The following CYP7B1 variants were observed in gnomAD, a reference collection of about 807,000 sequenced individuals.
CYP7B1 encodes the protein cytochrome P450 7B1.
A neutral mutation model predicts 42.7 loss-of-function variants in CYP7B1; 29 were observed. That is an observed-to-expected ratio of 0.68 (90% CI 0.51 to 0.93). The LOEUF (loss-of-function observed/expected upper bound fraction) is 0.93, where lower values mean the gene tolerates loss of function less well. Ranked by LOEUF, CYP7B1 falls within the 40% of genes least tolerant of loss-of-function variation. The pLI is 0.00. For missense variants in CYP7B1, 655 were observed against 600.5 expected, an observed-to-expected ratio of 1.09 and a Z score of -0.95; for synonymous variants, 235 against 218.2, an observed-to-expected ratio of 1.08 and a Z score of -0.68.
In CYP7B1 at chr8:64,694,761, G is replaced by A. The variant is rs572077803; in HGVS notation, c.123-70222C>T. ...AATAAAGGAAGTGGTCTGTCTCTGC[G>A]TGTAGTTTGAGAAGCACTATGCTAG... On this transcript the variant is annotated intron_variant, in intron 1 of 5. Transcript: ENST00000310193. Among the ~76,000 whole-genome samples, 17 of 152,284 alleles carry A rather than the reference G, an allele frequency of 1.1e-4. No individual in the cohort carries two copies. The South Asian group carries it at 1.5e-3, about 13-fold the overall frequency.
rs561047438 is a variant in CYP7B1 at position 64,742,554 on chromosome 8, G to T, written c.122+55912C>A. On this transcript the variant is annotated intron_variant, in intron 1 of 5. Transcript: ENST00000310193. Reference sequence around the variant, plus strand: ...TGCCATAACAAAACACTACACTCTGGGTGGCTTAAACAAGAAAAATTTATT... The same window carrying T: ...TGCCATAACAAAACACTACACTCTGTGTGGCTTAAACAAGAAAAATTTATT... 5.3e-5 allele frequency among the ~76,000 whole-genome samples: 8 copies of T among 152,116 alleles called. No homozygotes were observed. In the East Asian group the frequency reaches 1.5e-3, roughly 29 times the overall value.
At chr8:64,778,174 A>AATATATATATATATATATATAT (rs60859854) in intron 1 of CYP7B1, among the ~76,000 whole-genome samples, 141 of 133,184 alleles carry the variant, frequency 1.1e-3, no homozygotes, top group African/African-American at 2.0e-3. Context: ...ACTAGTTTGA[A>AATATATATATATATATATATAT]ATATATATAT....
At position 64,670,592 on chromosome 8, in the gene CYP7B1, C is replaced by T. The variant is rs191046108; in HGVS notation, c.123-46053G>A. Among the ~76,000 whole-genome samples the T allele has an allele frequency of 2.6e-5, 4 of 152,226 alleles. No individual in the cohort carries two copies. In the East Asian group the frequency reaches 7.7e-4, roughly 29 times the overall value. On this transcript the variant is annotated intron_variant, in intron 1 of 5. Coordinates refer to ENST00000310193, the MANE Select transcript of CYP7B1 (RefSeq NM_004820.5). Reference sequence around the variant, plus strand: ...CAAGAGGACCATAACTCAAAGGAGGCAGGAGCGCCACTCATTCTGCAGGAA... The same window carrying T: ...CAAGAGGACCATAACTCAAAGGAGGTAGGAGCGCCACTCATTCTGCAGGAA...
At chr8:64,777,588 T>A (rs1373810687) in intron 1 of CYP7B1, among the ~76,000 whole-genome samples, 1 of 152,122 alleles carries the variant, frequency 6.6e-6, no homozygotes, top group African/African-American at 2.4e-5. Context: ...AATCACATTG[T>A]CATTACAACT....
chr8:64,603,714 T>C (rs565419054), intron 5 of CYP7B1, among the ~76,000 whole-genome samples: 1 of 152,320 alleles, frequency 6.6e-6, no homozygotes, highest in Non-Finnish European at 1.5e-5. Context: ...AAACTATATG[T>C]ACACTCCCCC....
intron 1 of CYP7B1, among the ~76,000 whole-genome samples, chr8:64,761,956 T>C (rs1330679994): frequency 6.6e-6 from 1 of 152,156 alleles, no homozygotes; most frequent in African/African-American, 2.4e-5. Context: ...TGAGTAGAAA[T>C]GCAAGGTTTA....
chr8:64,683,135 C>T (rs533140961), intron 1 of CYP7B1, among the ~76,000 whole-genome samples: 34 of 152,324 alleles, frequency 2.2e-4, no homozygotes, highest in African/African-American at 8.2e-4. Context: ...TCTGGTCTAA[C>T]GCTTCCCCCA....
chr8:64,712,461 A>G (rs1026830840), intron 1 of CYP7B1, among the ~76,000 whole-genome samples: 1 of 152,098 alleles, frequency 6.6e-6, no homozygotes, highest in Admixed American at 6.6e-5. Context: ...ATCATTTTAT[A>G]AGACATCATA....
intron 4 of CYP7B1, among the ~76,000 whole-genome samples, chr8:64,610,476 A>T (rs1805347855): frequency 6.6e-6 from 1 of 152,154 alleles, no homozygotes; most frequent in South Asian, 2.1e-4. Context: ...TTGAATACAC[A>T]ATTATTTTAT....
At chr8:64,670,552 C>T (rs1426783291) in intron 1 of CYP7B1, among the ~76,000 whole-genome samples, 1 of 152,116 alleles carries the variant, frequency 6.6e-6, no homozygotes, top group Non-Finnish European at 1.5e-5. Context: ...CAATTAAGAG[C>T]TGACCCACAA....
At chr8:64,785,882 C>G (rs997454500) in intron 1 of CYP7B1, among the ~76,000 whole-genome samples, 1 of 152,064 alleles carries the variant, frequency 6.6e-6, no homozygotes, top group Non-Finnish European at 1.5e-5. Context: ...GCTGGGGAGG[C>G]CTCAGGAAAA....
intron 1 of CYP7B1, among the ~76,000 whole-genome samples, chr8:64,664,881 T>C (rs1016294872): frequency 6.6e-6 from 1 of 152,052 alleles, no homozygotes; most frequent in African/African-American, 2.4e-5. Context: ...ATGGCATAAT[T>C]AGTTTGTCCA....
intron 1 of CYP7B1, among the ~76,000 whole-genome samples, chr8:64,726,021 T>C: frequency 6.6e-6 from 1 of 152,208 alleles, no homozygotes; most frequent in South Asian, 2.1e-4. Flanking sequence ...GATATCTTGT[T>C]CTCCTGTGAG....
At chr8:64,664,946 T>A (rs1238053618) in intron 1 of CYP7B1, among the ~76,000 whole-genome samples, 4 of 152,114 alleles carry the variant, frequency 2.6e-5, no homozygotes. Context: ...TTAGAATCTA[T>A]CTCTGCCAGT....
chr8:64,610,780 C>T (rs1265513978), intron 4 of CYP7B1, among the ~76,000 whole-genome samples: 5 of 152,116 alleles, frequency 3.3e-5, no homozygotes, highest in Non-Finnish European at 7.4e-5. Context: ...GGTCTCCAGT[C>T]CATTTCTAGA....
chr8:64,795,270 G>A (rs961550591), intron 1 of CYP7B1, among the ~76,000 whole-genome samples: 12 of 152,184 alleles, frequency 7.9e-5, no homozygotes, highest in African/African-American at 2.9e-4. Flanking sequence ...TTGAGAATGA[G>A]CAAAACTGAC....
intron 4 of CYP7B1, among the ~76,000 whole-genome samples, chr8:64,608,397 C>T (rs1240248647): frequency 6.6e-6 from 1 of 152,156 alleles, no homozygotes; most frequent in African/African-American, 2.4e-5. Context: ...CACACTTAGG[C>T]CCTGTCTGTA....
chr8:64,704,954 G>A (rs1008464055), intron 1 of CYP7B1, among the ~76,000 whole-genome samples: 5 of 151,944 alleles, frequency 3.3e-5, no homozygotes, highest in Admixed American at 1.3e-4. Flanking sequence ...AGGACCTTGC[G>A]TTAGATGTGT....
At position 64,671,317 on chromosome 8, in the gene CYP7B1, G is replaced by A. The variant is rs557975468; in HGVS notation, c.123-46778C>T. 1.2e-4 allele frequency among the ~76,000 whole-genome samples: 19 copies of A among 152,192 alleles called. No homozygotes were observed. In the South Asian group the frequency reaches 2.7e-3, roughly 22 times the overall value. On this transcript the variant is annotated intron_variant, in intron 1 of 5. Transcript: ENST00000310193. ...AAGGGCTTTTCACTTGCTACTCTGC[G>A]TCAACTAAACTTTTTACATCAAGAG... is the stretch of plus-strand genomic sequence containing the variant.
Sources: allele counts gnomAD v4.1 joint callset (sites outside exome capture counted in the v4.1 genomes callset), GRCh38; gene constraint gnomAD v4.1.1; transcripts MANE v1.5; gene names NCBI Gene and HGNC (gene_info 2026-07-23, HGNC 2026-07-21).